Variants in ARMC3 observed in about 807,000 individuals in gnomAD.
ARMC3 encodes the protein armadillo repeat-containing protein 3.
ARMC3 carries 74 observed loss-of-function variants against 90.3 expected under a neutral mutation model. That is an observed-to-expected ratio of 0.82 (90% CI 0.68 to 0.99). ARMC3 has a LOEUF of 0.99. Among genes scored for constraint, ARMC3 ranks in the 50% least tolerant of loss-of-function variants. ARMC3 has a pLI of 0.00. For missense variants in ARMC3, 958 were observed against 1,042.8 expected (o/e 0.92, Z 1.12); for synonymous variants, 334 against 361.8 (o/e 0.92, Z 0.87).
intron 16 of ARMC3, among the ~76,000 whole-genome samples, chr10:23,010,553 TTTTCCCTTCC>T: frequency 1.8e-5 from 2 of 113,918 alleles, no homozygotes; most frequent in Non-Finnish European, 1.9e-5. Flanking sequence ...TGTTCTCTTC[TTTTCCCTTCC>T]CTTCTCTCCC....
rs35798093 is a variant in ARMC3, at chr10:22,961,897, G to A, written c.551G>A (p.Arg184Gln). The A allele has an allele frequency of 0.015, 23,897 of 1,602,726 alleles. 247 individuals carry two copies. Among genetic ancestry groups the A allele is most frequent in the Non-Finnish European group, 0.017 (19,593 of 1,176,320 alleles). The change falls in exon 7 of 19, where the codon CGA becomes CAA. Residue 184 changes from arginine (R) to glutamine (Q), a missense_variant. Transcript: ENST00000298032. ...ATTTTGTGGCAGGATTTTCAGTGTC[G>A]AGCTAAACTTCAAGAACTAAATGCA... ...IYNLVQDFQC[R>Q]AKLQELNAIP...
At chr10:22,963,484 C>T (rs1316865427) in intron 7 of ARMC3, among the ~76,000 whole-genome samples, 3 of 152,074 alleles carry the variant, frequency 2.0e-5, no homozygotes, top group Non-Finnish European at 4.4e-5. Context: ...CACATCCTCA[C>T]CTAAGAGTAG....
chr10:22,982,820 C>T (rs1013096914), intron 10 of ARMC3, among the ~76,000 whole-genome samples: 2 of 152,146 alleles, frequency 1.3e-5, no homozygotes, highest in Non-Finnish European at 2.9e-5. Flanking sequence ...ACTAAATCTC[C>T]CTCTGCCTCC....
chr10:22,997,406 G>C (rs1837035362), intron 10 of ARMC3: 1 of 152,006 alleles, frequency 6.6e-6, no homozygotes, highest in East Asian at 1.9e-4. Flanking sequence ...ATCTAATTGT[G>C]AAAAAATGTT....
chr10:23,004,999 G>T (rs1438455148), intron 13 of ARMC3, among the ~76,000 whole-genome samples: 1 of 28,976 alleles, frequency 3.5e-5, no homozygotes, highest in Non-Finnish European at 6.8e-5. Context: ...GGCGGATCAC[G>T]AGGTCAGATC....
At chr10:22,991,674 G>A (rs1006212704) in intron 10 of ARMC3, among the ~76,000 whole-genome samples, 4 of 152,142 alleles carry the variant, frequency 2.6e-5, no homozygotes, top group Admixed American at 2.6e-4. Flanking sequence ...GTGGAAAGAG[G>A]GCCATGGCCC....
At chr10:23,004,431 A>G (rs1167908732) in intron 13 of ARMC3, among the ~76,000 whole-genome samples, 3 of 152,146 alleles carry the variant, frequency 2.0e-5, no homozygotes, top group African/African-American at 7.2e-5. Context: ...AAGAAAAAGG[A>G]AAAGGAAAAA....
rs1308231497 is a variant in ARMC3 at position 23,005,070 on chromosome 10, G to A, written c.1731+1656G>A. Among the ~76,000 whole-genome samples the A allele has an allele frequency of 9.2e-5, 14 of 152,078 alleles. 5 individuals carry two copies. The highest frequency in any genetic ancestry group is 7.2e-4 in the Admixed American group (11 of 15,286). On this transcript the variant is annotated intron_variant, in intron 13 of 18. Coordinates refer to ENST00000298032, the MANE Select transcript of ARMC3 (RefSeq NM_173081.5). The stretch of plus-strand genomic sequence containing the variant: ...CTACTAAATATACAAAAAATTAGCC[G>A]GGCGTGGTGGCGGGTGCCTGTAGTC...
chr10:23,005,265 C>T (rs1051245588), intron 13 of ARMC3, among the ~76,000 whole-genome samples: 1 of 137,688 alleles, frequency 7.3e-6, no homozygotes, highest in African/African-American at 2.7e-5. Flanking sequence ...AACAAGAAAA[C>T]TGACGGGAAA....
intron 8 of ARMC3, among the ~76,000 whole-genome samples, chr10:22,972,191 G>T (rs771957370): frequency 1.3e-4 from 20 of 152,196 alleles, no homozygotes; most frequent in Non-Finnish European, 2.5e-4. Flanking sequence ...TTAAATTGTG[G>T]TGCATTCCAA....
rs141630000 is a variant in ARMC3 at position 22,998,287 on chromosome 10, G to A, written c.1315G>A (p.Asp439Asn). 6.6e-4 allele frequency: 1,071 copies of A among 1,612,450 alleles called. 9 individuals carry two copies. In the East Asian group the frequency reaches 0.021, roughly 32 times the overall value. ...CCTGCGCCTGAACATACAGAATCAC[G>A]ACATCATGCATGCCATCATCAGCCC... ...EPLRLNIQNH[D>N]IMHAIISPLR... Residue 439 changes from aspartate (D) to asparagine (N), a missense_variant, in exon 11 of 19, where the codon GAC becomes AAC. Transcript: ENST00000298032.
At chr10:22,945,455 A>G (rs1834489829) in intron 2 of ARMC3, among the ~76,000 whole-genome samples, 2 of 152,236 alleles carry the variant, frequency 1.3e-5, no homozygotes, top group Admixed American at 1.3e-4. Flanking sequence ...TCAATAACAC[A>G]TGAATTCTCA....
intron 3 of ARMC3, chr10:22,955,078 T>G (rs1482318259): frequency 6.6e-6 from 1 of 152,226 alleles, no homozygotes; most frequent in Non-Finnish European, 1.5e-5. Flanking sequence ...TTTTCCTTTT[T>G]ACACCCTCTG....
chr10:23,002,123 G>T (rs1837322798), intron 12 of ARMC3, 68 bp downstream of exon 12: 1 of 1,549,362 alleles, frequency 6.5e-7, no homozygotes, highest in Non-Finnish European at 8.7e-7. Context: ...ACACTCTTTA[G>T]GCCCAAGGAA....
At chr10:23,008,636 G>C (rs904107001) in intron 15 of ARMC3, among the ~76,000 whole-genome samples, 179 bp from the exon 16 acceptor site, 8 of 152,176 alleles carry the variant, frequency 5.3e-5, no homozygotes, top group Non-Finnish European at 1.5e-5. Context: ...CGTTTCCTTA[G>C]CTGTGGACGA....
chr10:22,955,985 AT>A (rs1230158925), intron 4 of ARMC3, 53 bp downstream of exon 4: 1 of 1,442,110 alleles, frequency 6.9e-7, no homozygotes, highest in Non-Finnish European at 9.4e-7. Flanking sequence ...ATGCATTATC[AT>A]TCTTTTAAAT....
chr10:22,999,714 C>T (rs933613273), intron 11 of ARMC3, among the ~76,000 whole-genome samples: 1 of 152,216 alleles, frequency 6.6e-6, no homozygotes, highest in Non-Finnish European at 1.5e-5. Flanking sequence ...GATATGAGAA[C>T]ACATCTGGGT....
chr10:22,977,849 G>A (rs1474271872), intron 8 of ARMC3, among the ~76,000 whole-genome samples: 2 of 152,162 alleles, frequency 1.3e-5, no homozygotes, highest in African/African-American at 2.4e-5. Context: ...TATTATGAAT[G>A]AATGCTCTTC....
Position 23,029,642 on chromosome 10 carries a change from A to C in ARMC3, c.2046-954A>C, listed in dbSNP as rs558444368. ...ATTGATTAACATCCTATAGGACAAT[A>C]AACTGTAACCTTTGAGAGTATCTTT... On this transcript the variant is annotated intron_variant, in intron 16 of 18. Coordinates refer to ENST00000298032, the MANE Select transcript of ARMC3 (RefSeq NM_173081.5). Among the ~76,000 whole-genome samples, 288 of 152,320 alleles carry C rather than the reference A, an allele frequency of 1.9e-3. 2 individuals are homozygous for C. Among genetic ancestry groups the C allele is most frequent in the African/African-American group, 6.7e-3 (277 of 41,582 alleles).
Sources: allele counts gnomAD v4.1 joint callset (sites outside exome capture counted in the v4.1 genomes callset), GRCh38; gene constraint gnomAD v4.1.1; transcripts MANE v1.5; gene names NCBI Gene and HGNC (gene_info 2026-07-23, HGNC 2026-07-21).